AGMO: variants seen among roughly 807,000 people sequenced by gnomAD.
AGMO encodes glyceryl-ether monooxygenase.
In AGMO, 75 loss-of-function variants were observed where a neutral mutation model predicts 60.2. The observed-to-expected ratio is 1.25, with a 90% CI of 1.03 to 1.51. The LOEUF (loss-of-function observed/expected upper bound fraction) is 1.51. Among genes scored for constraint, AGMO ranks in the 40% most tolerant of loss-of-function variants. The pLI is 0.00. For missense variants in AGMO, 763 were observed against 525.5 expected, an observed-to-expected ratio of 1.45 and a Z score of -4.42; for synonymous variants, 261 against 177.1, an observed-to-expected ratio of 1.47 and a Z score of -3.76.
intron 3 of AGMO, among the ~76,000 whole-genome samples, chr7:15,449,754 C>T (rs73288465): frequency 0.18 from 27,141 of 152,084 alleles, 2,873 homozygotes; most frequent in African/African-American, 0.28. Context: ...AACCAGCAGA[C>T]GTTGGTTTAA....
At chr7:15,213,039 G>A (rs980484806) in intron 12 of AGMO, among the ~76,000 whole-genome samples, 2 of 151,876 alleles carry the variant, frequency 1.3e-5, no homozygotes, top group East Asian at 1.9e-4. Flanking sequence ...ATGTATCATC[G>A]AAGTTCTTCC....
At chr7:15,556,460 G>A (rs1785143040) in intron 2 of AGMO, among the ~76,000 whole-genome samples, 1 of 151,736 alleles carries the variant, frequency 6.6e-6, no homozygotes, top group Admixed American at 6.6e-5. Context: ...ATAATCTGCT[G>A]TTTCAACAGA....
At chr7:15,136,770 C>T in the AGMO span, among the ~76,000 whole-genome samples, 1,079 of 151,748 alleles carry the variant, frequency 7.1e-3, 19 homozygotes, top group African/African-American at 0.025. Flanking sequence ...TGTGTGCACG[C>T]GTGCGTATTT....
At chr7:15,354,385 T>TGTATATAC (rs1563105151) in intron 12 of AGMO, among the ~76,000 whole-genome samples, 1 of 9,670 alleles carries the variant, frequency 1.0e-4, no homozygotes, top group Admixed American at 7.6e-4. Context: ...TGTATACACG[T>TGTATATAC]GTGTGTATAC....
intron 12 of AGMO, among the ~76,000 whole-genome samples, chr7:15,313,872 C>G (rs1176753355): frequency 1.3e-5 from 2 of 151,182 alleles, no homozygotes; most frequent in Non-Finnish European, 3.0e-5. Flanking sequence ...CAGATGGGGT[C>G]TCTCTCTCTC....
intron 12 of AGMO, among the ~76,000 whole-genome samples, chr7:15,281,166 T>C (rs552204216): frequency 6.6e-6 from 1 of 151,994 alleles, no homozygotes; most frequent in Admixed American, 6.5e-5. Flanking sequence ...AGGTGGAAAG[T>C]TTCATTCAGC....
intron 3 of AGMO, among the ~76,000 whole-genome samples, chr7:15,444,170 T>A (rs1251671913): frequency 6.6e-6 from 1 of 152,202 alleles, no homozygotes; most frequent in Admixed American, 6.5e-5. Flanking sequence ...ATTAAACATA[T>A]GCTAATCAGG....
At chr7:15,217,552 T>C (rs1206738706) in intron 12 of AGMO, among the ~76,000 whole-genome samples, 2 of 151,420 alleles carry the variant, frequency 1.3e-5, no homozygotes, top group African/African-American at 4.9e-5. Context: ...GAGAAACAAA[T>C]AAGGGACTAA....
chr7:15,224,124 G>A (rs1782003942), intron 12 of AGMO, among the ~76,000 whole-genome samples: 1 of 151,878 alleles, frequency 6.6e-6, no homozygotes, highest in African/African-American at 2.4e-5. Flanking sequence ...AAGAAGGTAT[G>A]GTGAGTCTCT....
At chr7:15,467,853 C>T (rs2128511123) in intron 3 of AGMO, among the ~76,000 whole-genome samples, 1 of 152,054 alleles carries the variant, frequency 6.6e-6, no homozygotes, top group African/African-American at 2.4e-5. Context: ...ACTTCATATG[C>T]CCCGGTTTTA....
At chr7:15,207,536 C>T (rs576575816) in intron 12 of AGMO, among the ~76,000 whole-genome samples, 1 of 152,282 alleles carries the variant, frequency 6.6e-6, no homozygotes, top group Admixed American at 6.5e-5. Context: ...TATTTTGATA[C>T]ACATACTCTT....
intron 12 of AGMO, among the ~76,000 whole-genome samples, chr7:15,285,712 G>A (rs771590143): frequency 5.9e-5 from 9 of 151,850 alleles, no homozygotes; most frequent in Admixed American, 1.3e-4. Flanking sequence ...AACAGAACTC[G>A]AAAAAATATC....
intron 12 of AGMO, among the ~76,000 whole-genome samples, chr7:15,364,514 C>A (rs1242019172): frequency 6.6e-6 from 1 of 151,924 alleles, no homozygotes; most frequent in Non-Finnish European, 1.5e-5. Flanking sequence ...TTCAAATAGT[C>A]CTCCATTCAT....
chr7:15,189,778 C>T, the AGMO span, among the ~76,000 whole-genome samples: 1 of 151,266 alleles, frequency 6.6e-6, no homozygotes, highest in East Asian at 2.0e-4. Context: ...ATAGAAAAAG[C>T]TATTTCTTGT....
the AGMO span, among the ~76,000 whole-genome samples, chr7:15,168,332 T>A: frequency 1.2e-4 from 18 of 151,854 alleles, no homozygotes; most frequent in South Asian, 1.2e-3. Context: ...AATGAAAAAA[T>A]AAATAAATAA....
intron 3 of AGMO, among the ~76,000 whole-genome samples, chr7:15,502,263 C>T (rs1255489355): frequency 6.6e-6 from 1 of 152,020 alleles, no homozygotes; most frequent in African/African-American, 2.4e-5. Flanking sequence ...CTGAGTCCAG[C>T]CTTGCCCCTC....
intron 3 of AGMO, among the ~76,000 whole-genome samples, chr7:15,500,118 A>C (rs181153597): frequency 6.6e-6 from 1 of 151,942 alleles, no homozygotes; most frequent in Admixed American, 6.6e-5. Flanking sequence ...GCAAATTATC[A>C]AATTAAAAGA....
In AGMO at chr7:15,322,893, C is replaced by T. The variant is rs559964260; in HGVS notation, c.1263+42621G>A. ...AAATTATCAAAACTCTTTCTTGATA[C>T]AGGAAAAAATATATATATACACATA... On this transcript the variant is annotated intron_variant, in intron 12 of 12. Transcript: ENST00000342526. Among the ~76,000 whole-genome samples the T allele has an allele frequency of 2.4e-3, 343 of 143,420 alleles. 1 individual carries two copies. The highest frequency in any genetic ancestry group is 4.0e-3 in the Admixed American group (54 of 13,494). The allele number at this position is 143,420 out of a possible 152,430, so 94.1% of individuals were successfully genotyped here.
chr7:15,240,759 T>C (rs1782566091), intron 12 of AGMO, among the ~76,000 whole-genome samples: 2 of 152,146 alleles, frequency 1.3e-5, no homozygotes, highest in African/African-American at 2.4e-5. Flanking sequence ...AATGAATAAA[T>C]ACCAACAATT....
Sources: gnomAD v4.1 joint callset for allele counts (sites outside exome capture counted in the v4.1 genomes callset) on GRCh38, gnomAD v4.1.1 for gene constraint, MANE v1.5 for transcripts, NCBI Gene and HGNC (gene_info 2026-07-23, HGNC 2026-07-21) for gene names.